Variants in KIF3C observed in about 807,000 individuals in gnomAD.
KIF3C encodes kinesin family member 3C, also known as kinesin-like protein KIF3C.
A neutral mutation model predicts 67.7 loss-of-function variants in KIF3C; 12 were observed. The observed-to-expected ratio is 0.18, with a 90% confidence interval of 0.11 to 0.29. The LOEUF is 0.29. Ranked by LOEUF, KIF3C falls within the 10% of genes least tolerant of loss-of-function variation. KIF3C has a pLI of 1.00. For missense variants in KIF3C, 789 were observed against 1,059.6 expected (o/e 0.74, Z 3.55); for synonymous variants, 393 against 426.2 (o/e 0.92, Z 0.96).
rs1354444624 is a variant in KIF3C, at chr2:25,955,798, C to T, written c.1648-135G>A. On this transcript the variant is annotated intron_variant, in intron 2 of 7. Transcript: ENST00000264712. The surrounding 1 kb of genome is among the most constrained non-coding windows in gnomAD (Gnocchi z 5.0). ...TGGCCCATGGCCCACATCCACTGCT[C>T]CCACCCAATCCTGCAGAGCCCCTGG... 1.0e-6 allele frequency: 1 copy of T among 982,358 alleles called. No individual in the cohort carries two copies. Among genetic ancestry groups the T allele is most frequent in the Non-Finnish European group, 1.5e-6 (1 of 667,688 alleles). The allele number at this position is 982,358 out of a possible 1,614,324, so 60.9% of individuals were successfully genotyped here.
At chr2:25,943,198 T>C (rs187633389) in intron 5 of KIF3C, among the ~76,000 whole-genome samples, 1 of 152,318 alleles carries the variant, frequency 6.6e-6, no homozygotes, top group East Asian at 1.9e-4. Flanking sequence ...AATTAAGTGA[T>C]GCGGCAAGTG....
In KIF3C at chr2:25,929,943, T is replaced by C. The variant is rs756129061; in HGVS notation, c.2115+12A>G. On this transcript the variant is annotated intron_variant, in intron 6 of 7. Transcript: ENST00000264712. ...CCTCCCGTAGGCTCTTTCTCCCCTCTCCGCTTCTTACCCTGTACCTGGGGT... is the reference window on the plus strand; with the variant it reads ...CCTCCCGTAGGCTCTTTCTCCCCTCCCCGCTTCTTACCCTGTACCTGGGGT... The C allele has an allele frequency of 3.8e-6, 6 of 1,589,884 alleles. No individual in the cohort carries two copies. The East Asian group carries it at 1.3e-4, about 36-fold the overall frequency.
rs775639525 is a variant in KIF3C, at chr2:25,930,029, C to A, written c.2041G>T (p.Ala681Ser). The change falls in exon 6 of 8, where the codon GCA becomes TCA. Residue 681 changes from alanine to serine, a missense_variant. Ala to Ser is a moderately conservative substitution (Grantham distance 99, BLOSUM62 1). This residue lies in a region of KIF3C where 648 missense variants were observed against 807.8 expected (regional missense o/e 0.80). Transcript: ENST00000264712. ...CTGATAGGCCTCTTGTAGCCCACTG[C>A]AGATGTTGGCCGCTTCTTCATCTGG... ...SSQMKKRPTS[A>S]VGYKRPISQY... 1.2e-6 allele frequency: 2 copies of A among 1,614,148 alleles called. No homozygotes were observed. Among genetic ancestry groups the A allele is most frequent in the Non-Finnish European group, 1.7e-6 (2 of 1,179,984 alleles).
chr2:25,960,920 T>G (rs1663928010), intron 1 of KIF3C, among the ~76,000 whole-genome samples: 1 of 152,124 alleles, frequency 6.6e-6, no homozygotes, highest in South Asian at 2.1e-4. Context: ...TGGGCAACAG[T>G]GAGACCCTGT....
chr2:25,930,069 G>A lies in KIF3C; in HGVS notation c.2007-6C>T. Reference sequence around the variant, plus strand: ...TCTTCATCTGGCTGCTACTGCTGTAGGAAAGAGGCTATATTAGAAAGGATT... The same window carrying A: ...TCTTCATCTGGCTGCTACTGCTGTAAGAAAGAGGCTATATTAGAAAGGATT... On this transcript the variant is annotated splice_region_variant and splice_polypyrimidine_tract_variant and intron_variant, in intron 5 of 7. Coordinates refer to ENST00000264712, the MANE Select transcript of KIF3C (RefSeq NM_002254.8). The A allele has an allele frequency of 6.2e-7, 1 of 1,608,082 alleles. No individual in the cohort carries two copies. The highest frequency in any genetic ancestry group is 2.2e-5 in the East Asian group (1 of 44,854).
At position 25,955,732 on chromosome 2, in the gene KIF3C, G is replaced by A; in HGVS notation, c.1648-69C>T. ...CTCGGGAGGGCCAGGAAAGCTCAGG[G>A]GACTGGCTCACTCTGCCTGTCTCGG... On this transcript the variant is annotated intron_variant, in intron 2 of 7. Transcript: ENST00000264712. The surrounding 1 kb of genome is among the most constrained non-coding windows in gnomAD (Gnocchi z 5.0). 1 of 1,573,504 alleles carries A rather than the reference G, an allele frequency of 6.4e-7. No homozygotes were observed. The highest frequency in any genetic ancestry group is 8.7e-7 in the Non-Finnish European group (1 of 1,151,214).
At position 25,940,857 on chromosome 2, in the gene KIF3C, T is replaced by C. The variant is rs191335607; in HGVS notation, c.2007-10794A>G. ...TAGTAGAGACGGGGTTTCACCATGTTGGCCAGGCTGGCCTCAAACTCCTGA... is the reference window on the plus strand; with the variant it reads ...TAGTAGAGACGGGGTTTCACCATGTCGGCCAGGCTGGCCTCAAACTCCTGA... On this transcript the variant is annotated intron_variant, in intron 5 of 7. Coordinates refer to ENST00000264712, the MANE Select transcript of KIF3C (RefSeq NM_002254.8). 2.0e-5 allele frequency among the ~76,000 whole-genome samples: 3 copies of C among 151,932 alleles called. No homozygotes were observed. In the East Asian group the frequency reaches 5.9e-4, roughly 30 times the overall value.
intron 5 of KIF3C, among the ~76,000 whole-genome samples, chr2:25,937,043 A>T (rs1215678477): frequency 3.9e-5 from 6 of 152,216 alleles, no homozygotes. Flanking sequence ...CTGAGATTAA[A>T]CAAGACAAGC....
chr2:25,951,497 C>T (rs759360785), intron 5 of KIF3C: 4 of 358,514 alleles, frequency 1.1e-5, no homozygotes. Context: ...TGTTAGCATT[C>T]GCTAGGATTG....
intron 5 of KIF3C, among the ~76,000 whole-genome samples, chr2:25,934,864 G>A (rs1352056630): frequency 6.6e-6 from 1 of 151,188 alleles, no homozygotes; most frequent in Non-Finnish European, 1.5e-5. Context: ...GTCTGAGGCT[G>A]TAGCGTGCTA....
intron 5 of KIF3C, among the ~76,000 whole-genome samples, chr2:25,948,988 G>C (rs1229477330): frequency 1.3e-5 from 2 of 152,056 alleles, no homozygotes; most frequent in African/African-American, 4.8e-5. Flanking sequence ...TAAATGAAAT[G>C]CATGACTGCA....
chr2:25,942,828 A>C (rs1663329227), intron 5 of KIF3C, among the ~76,000 whole-genome samples: 1 of 152,212 alleles, frequency 6.6e-6, no homozygotes, highest in African/African-American at 2.4e-5. Context: ...AAAAAAAAGA[A>C]AGGGCTAAAC....
Position 25,955,021 on chromosome 2 carries a change from A to G in KIF3C, c.1770+520T>C, listed in dbSNP as rs1419198036. Reference sequence around the variant, plus strand: ...GCCTCCAGGTTTTTCCCAGAATCCAAGCTAGAGCTTTGCTGCTTCCTGCCC... The same window carrying G: ...GCCTCCAGGTTTTTCCCAGAATCCAGGCTAGAGCTTTGCTGCTTCCTGCCC... On this transcript the variant is annotated intron_variant, in intron 3 of 7. Transcript: ENST00000264712. This position sits in a 1 kb window ranked among gnomAD's most constrained non-coding sequence, Gnocchi z 5.0. Among the ~76,000 whole-genome samples the G allele has an allele frequency of 6.6e-6, 1 of 152,170 alleles. No individual in the cohort carries two copies. Among genetic ancestry groups the G allele is most frequent in the Non-Finnish European group, 1.5e-5 (1 of 68,022 alleles).
intron 1 of KIF3C, 44 bp from the exon 2 acceptor site, chr2:25,956,488 C>T (rs779637340): frequency 4.9e-6 from 7 of 1,433,186 alleles, no homozygotes; most frequent in Admixed American, 1.7e-5. Context: ...GCAAAGGGTC[C>T]ACAACATTGC....
At chr2:25,976,714 C>A (rs984740315) in intron 1 of KIF3C, among the ~76,000 whole-genome samples, 32 of 152,088 alleles carry the variant, frequency 2.1e-4, no homozygotes, top group African/African-American at 6.8e-4. Flanking sequence ...GAGCTGAGAT[C>A]GTGCCATTGC....
chr2:25,960,037 T>C (rs567210117), intron 1 of KIF3C, among the ~76,000 whole-genome samples: 1 of 152,264 alleles, frequency 6.6e-6, no homozygotes, highest in Non-Finnish European at 1.5e-5. Flanking sequence ...GCTCTAGCAT[T>C]CTTTATTCTT....
At chr2:25,942,133 G>A (rs543119251) in intron 5 of KIF3C, among the ~76,000 whole-genome samples, 3 of 152,124 alleles carry the variant, frequency 2.0e-5, no homozygotes, top group Admixed American at 1.3e-4. Flanking sequence ...CGAGACAGGC[G>A]GATCACCTGA....
At chr2:25,939,082 C>T (rs1663219066) in intron 5 of KIF3C, among the ~76,000 whole-genome samples, 1 of 152,114 alleles carries the variant, frequency 6.6e-6, no homozygotes, top group South Asian at 2.1e-4. Context: ...CAACCTCTGC[C>T]TCCCAGATTC....
chr2:25,929,624 T>C, intron 6 of KIF3C, 147 bp from the exon 7 acceptor site: 1 of 646,170 alleles, frequency 1.5e-6, no homozygotes, highest in South Asian at 2.0e-5. Context: ...CTCTTTTTTT[T>C]TTTTCTTCTG....
Sources: gnomAD v4.1 joint callset for allele counts (sites outside exome capture counted in the v4.1 genomes callset) on GRCh38, gnomAD v4.1.1 for gene constraint, gnomAD v4.1.1 regional missense constraint, Gnocchi (gnomAD v3.1) non-coding constraint, MANE v1.5 for transcripts, NCBI Gene and HGNC (gene_info 2026-07-23, HGNC 2026-07-21) for gene names.